Variants in ACACA observed in about 807,000 individuals in gnomAD.
ACACA encodes the protein acetyl-CoA carboxylase alpha.
A neutral mutation model predicts 296.1 loss-of-function variants in ACACA; 103 were observed. That is an observed-to-expected ratio of 0.35 (90% confidence interval 0.30 to 0.41). The LOEUF is 0.41. Ranked by LOEUF, ACACA falls within the 10% of genes least tolerant of loss-of-function variation. The pLI is 1.00. For missense variants in ACACA, 1,554 were observed against 2,989.7 expected (o/e 0.52, Z 11.20); for synonymous variants, 953 against 1,038.6 (o/e 0.92, Z 1.58).
intron 1 of ACACA, among the ~76,000 whole-genome samples, chr17:37,380,527 G>A (rs1420187059): frequency 6.6e-6 from 1 of 152,028 alleles, no homozygotes; most frequent in Non-Finnish European, 1.5e-5. Context: ...TTCTAGCCCT[G>A]ATACTCTGTG....
intron 12 of ACACA, 80 bp from the exon 13 acceptor site, chr17:37,258,453 ATTTT>A: frequency 1.4e-6 from 2 of 1,416,140 alleles, no homozygotes; most frequent in Non-Finnish European, 2.0e-6. Context: ...AACCTAAAAT[ATTTT>A]TATTTTTGGA....
rs1014494578 is a variant in ACACA, at chr17:37,210,641, C to T, written c.3684-151G>A. On this transcript the variant is annotated intron_variant, in intron 29 of 55. Coordinates refer to ENST00000616317, the MANE Select transcript of ACACA (RefSeq NM_198834.3). ...TAATTAAGTGCTCATTACCCTTCAA[C>T]CCCCAGGATACCTCCAAAGAGGCAT... The T allele has an allele frequency of 4.9e-5, 35 of 711,918 alleles. No individual in the cohort carries two copies. The African/African-American group carries it at 6.0e-4, about 12-fold the overall frequency. The allele number at this position is 711,918 out of a possible 1,614,324, so 44.1% of individuals were successfully genotyped here.
chr17:37,226,285 T>C, intron 26 of ACACA, 54 bp downstream of exon 26: 1 of 1,323,298 alleles, frequency 7.6e-7, no homozygotes, highest in Non-Finnish European at 1.1e-6. Flanking sequence ...TGTCTAGGAC[T>C]GCCTGATCTA....
intron 39 of ACACA, among the ~76,000 whole-genome samples, chr17:37,185,196 T>C (rs1211541822): frequency 6.6e-6 from 1 of 151,952 alleles, no homozygotes; most frequent in African/African-American, 2.4e-5. Context: ...ACAAAACGAG[T>C]CCATTTTATT....
chr17:37,364,805 T>C (rs905620264), intron 1 of ACACA, among the ~76,000 whole-genome samples: 1 of 152,158 alleles, frequency 6.6e-6, no homozygotes, highest in Admixed American at 6.6e-5. Context: ...CTTATTCTTA[T>C]CCTTATACCT....
chr17:37,163,958 C>T (rs1218189674), intron 41 of ACACA, among the ~76,000 whole-genome samples: 2 of 152,138 alleles, frequency 1.3e-5, no homozygotes, highest in African/African-American at 2.4e-5. Flanking sequence ...CTTTTCTATG[C>T]TATTCATTCA....
At chr17:37,263,277 T>C (rs1358071825) in intron 11 of ACACA, among the ~76,000 whole-genome samples, 2 of 152,168 alleles carry the variant, frequency 1.3e-5, no homozygotes, top group Non-Finnish European at 2.9e-5. Context: ...GTGTGAACTC[T>C]GAAGATATTT....
chr17:37,174,018 A>AT (rs2077008643), intron 41 of ACACA, among the ~76,000 whole-genome samples: 3 of 15,432 alleles, frequency 1.9e-4, no homozygotes, highest in Non-Finnish European at 3.3e-4. Flanking sequence ...ATATATATAT[A>AT]TATTTTTTTT....
chr17:37,179,277 G>C lies in ACACA; in HGVS notation c.5062C>G (p.Leu1688Val), dbSNP rs2077231495. 1 of 1,614,012 alleles carries C rather than the reference G, an allele frequency of 6.2e-7. No homozygotes were observed. The highest frequency in any genetic ancestry group is 1.3e-5 in the African/African-American group (1 of 74,912). ...DQGQLVHMNRLPGGNEIGMVA... is the reference protein window; with the variant it reads ...DQGQLVHMNRVPGGNEIGMVA... ...CTACTTGCCTCATTTCCTCCTGGAA[G>C]CCTGTTCATGTGGACCAGCTGACCT... is the stretch of plus-strand genomic sequence containing the variant. Residue 1688 changes from leucine (L) to valine (V), a missense_variant, in exon 41 of 56, where the codon CTT becomes GTT. This residue lies in a region of ACACA where 553 missense variants were observed against 1,043.6 expected (regional missense o/e 0.53). Transcript: ENST00000616317.
chr17:37,397,046 C>T (rs1269784924), intron 1 of ACACA, among the ~76,000 whole-genome samples: 1 of 151,786 alleles, frequency 6.6e-6, no homozygotes, highest in Non-Finnish European at 1.5e-5. Context: ...CATCCCCCCA[C>T]CCCACGACAG....
chr17:37,108,684 G>A (rs1320994593), intron 52 of ACACA, among the ~76,000 whole-genome samples: 1 of 152,140 alleles, frequency 6.6e-6, no homozygotes, highest in Admixed American at 6.5e-5. Context: ...CACCGTGCCC[G>A]GAGTAATTAT....
chr17:37,276,906 A>G (rs2082304828), intron 7 of ACACA, 127 bp downstream of exon 7: 2 of 839,350 alleles, frequency 2.4e-6, no homozygotes, highest in Non-Finnish European at 4.1e-6. Flanking sequence ...TTAGTAATAG[A>G]TTGAGGGAAA....
intron 25 of ACACA, among the ~76,000 whole-genome samples, chr17:37,229,808 G>A (rs1340370128): frequency 2.0e-5 from 3 of 151,012 alleles, no homozygotes; most frequent in East Asian, 2.0e-4. Context: ...GGTGGCTCAC[G>A]CCTGTAATCC....
intron 40 of ACACA, among the ~76,000 whole-genome samples, chr17:37,180,121 G>A (rs2077263825): frequency 6.6e-6 from 1 of 152,134 alleles, no homozygotes; most frequent in Admixed American, 6.5e-5. Context: ...ACATACCTAT[G>A]TGTCCTAATC....
At chr17:37,312,747 C>G (rs2084218943) in intron 3 of ACACA, among the ~76,000 whole-genome samples, 1 of 152,124 alleles carries the variant, frequency 6.6e-6, no homozygotes, top group African/African-American at 2.4e-5. Context: ...ATAAAGGCAG[C>G]TGGGCCCGGT....
intron 52 of ACACA, among the ~76,000 whole-genome samples, chr17:37,111,025 A>C (rs1429771480): frequency 6.6e-6 from 1 of 152,134 alleles, no homozygotes; most frequent in Non-Finnish European, 1.5e-5. Flanking sequence ...GCCTGCTCTC[A>C]GGGCTATTCT....
In ACACA at chr17:37,252,963, A is replaced by G. The variant is rs2081062154; in HGVS notation, c.1900T>C (p.Leu634=). 1.2e-6 allele frequency: 2 copies of G among 1,614,220 alleles called. No homozygotes were observed. The highest frequency in any genetic ancestry group is 8.5e-7 in the Non-Finnish European group (1 of 1,180,050). The change falls in exon 15 of 56, where the codon TTG becomes CTG. Residue 634 remains leucine (L), a synonymous_variant. Transcript: ENST00000616317. ...FRTTVEYLIK[L]LETESFQMNR... is the part of the protein sequence containing the mutation. ...ATCTGAAAGCTTTCAGTCTCTAACA[A>G]TTTGATCAGGTATTCAACTGTAGTT...
rs562792447 is a variant in ACACA, at chr17:37,250,978, G to C, written c.2081+1027C>G. ...AGAGGCGGACCTTGCAGCGAGCCGA[G>C]ATTGCGCCACTGCACTCCAGCCTGG... On this transcript the variant is annotated intron_variant, in intron 16 of 55. Coordinates refer to ENST00000616317, the MANE Select transcript of ACACA (RefSeq NM_198834.3). 1.4e-4 allele frequency among the ~76,000 whole-genome samples: 22 copies of C among 152,282 alleles called. 1 individual carries two copies. In the South Asian group the frequency reaches 3.5e-3, roughly 24 times the overall value.
chr17:37,351,927 ATTTT>A (rs34937393), intron 1 of ACACA, among the ~76,000 whole-genome samples: 1 of 112,650 alleles, frequency 8.9e-6, no homozygotes, highest in Non-Finnish European at 1.7e-5. Flanking sequence ...CACAGGCTGC[ATTTT>A]TTTTTTTTTT....
Sources: allele counts gnomAD v4.1 joint callset (sites outside exome capture counted in the v4.1 genomes callset), GRCh38; gene constraint gnomAD v4.1.1; regional missense constraint gnomAD v4.1.1; transcripts MANE v1.5; gene names NCBI Gene and HGNC (gene_info 2026-07-23, HGNC 2026-07-21).